The following TMEM178B variants were observed in gnomAD, a reference collection of about 807,000 sequenced individuals.
TMEM178B encodes the protein transmembrane protein 178B.
TMEM178B carries 5 observed loss-of-function variants against 31.0 expected under a neutral mutation model. The ratio of observed to expected loss-of-function variants is 0.16; its 90% CI spans 0.08 to 0.34. The LOEUF (loss-of-function observed/expected upper bound fraction) is 0.34. TMEM178B is among the 10% of genes least tolerant of loss of function. The pLI is 1.00. For synonymous variants in TMEM178B, 164 were observed against 164.0 expected, an observed-to-expected ratio of 1.00 and a Z score of 0.00; for missense variants, 275 against 400.3, an observed-to-expected ratio of 0.69 and a Z score of 2.67.
intron 2 of TMEM178B, among the ~76,000 whole-genome samples, chr7:141,337,351 C>A (rs1048093728): frequency 2.3e-4 from 34 of 145,608 alleles, no homozygotes; most frequent in Non-Finnish European, 3.2e-4. Flanking sequence ...TACCACTACC[C>A]CACTACCACC....
Position 141,074,523 on chromosome 7 carries a change from C to G in TMEM178B, c.213C>G (p.Arg71=). 1.3e-6 allele frequency: 2 copies of G among 1,536,012 alleles called. No individual in the cohort carries two copies. The highest frequency in any genetic ancestry group is 8.7e-7 in the Non-Finnish European group (1 of 1,146,810). The stretch of plus-strand genomic sequence containing the variant: ...TGCCGCTCCGGGCGAGCCGCTCGCG[C>G]CTGGACCGCTGGGAGGGCAAACTCC... ...NNLPLRASRS[R]LDRWEGKLLR... Residue 71 remains arginine, a synonymous_variant, in exon 1 of 4, where the codon CGC becomes CGG. Transcript: ENST00000565468. This position sits in a 1 kb window ranked among gnomAD's most constrained non-coding sequence, Gnocchi z 5.1.
chr7:141,449,398 A>G (rs1801820903), intron 3 of TMEM178B, among the ~76,000 whole-genome samples: 1 of 152,092 alleles, frequency 6.6e-6, no homozygotes, highest in Non-Finnish European at 1.5e-5. Context: ...TAGAGGGGTT[A>G]AAGACTGGTA....
At chr7:141,396,255 C>G (rs1051214695) in intron 2 of TMEM178B, among the ~76,000 whole-genome samples, 4 of 152,172 alleles carry the variant, frequency 2.6e-5, no homozygotes, top group African/African-American at 9.6e-5. Flanking sequence ...GCGTGCCTCC[C>G]CTCCCAGGAG....
chr7:141,475,645 CA>C lies in TMEM178B; in HGVS notation c.*4860del, dbSNP rs1802349544. The stretch of plus-strand genomic sequence containing the variant: ...CGTTGAGTTGACCCTGTGTTCCTGG[CA>C]GCAAGAGTGCAGGGCCCTGAGCCCC... On this transcript the variant is annotated 3_prime_UTR_variant, in exon 4 of 4. Transcript: ENST00000565468. The C allele has an allele frequency of 6.6e-6, 1 of 152,210 alleles. No individual in the cohort carries two copies. Among genetic ancestry groups the C allele is most frequent in the Middle Eastern group, 3.1e-3 (1 of 318 alleles). 9.4% of individuals were successfully genotyped at this position (152,210 alleles called of 1,614,324 possible). A position where few individuals can be genotyped will look rare whatever the true frequency, so the allele number is the denominator to read the frequency against.
At chr7:141,364,139 G>A (rs1022565467) in intron 2 of TMEM178B, among the ~76,000 whole-genome samples, 6 of 152,040 alleles carry the variant, frequency 3.9e-5, no homozygotes, top group African/African-American at 9.7e-5. Context: ...TGTGTTTTCT[G>A]CCTACAACAA....
the TMEM178B span, among the ~76,000 whole-genome samples, chr7:141,502,281 A>G: frequency 2.3e-5 from 3 of 128,188 alleles, no homozygotes; most frequent in Non-Finnish European, 4.5e-5. Context: ...ATATCCTGCT[A>G]GTGTTCCAGT....
rs1235677807 is a variant in TMEM178B, at chr7:141,216,453, G to A, written c.496+3749G>A. Reference sequence around the variant, plus strand: ...TGTGTGTGTGTGTGTGTGTGTGCGCGCGCGCGCGCGTGTGTGTGTGTGGGT... The same window carrying A: ...TGTGTGTGTGTGTGTGTGTGTGCGCACGCGCGCGCGTGTGTGTGTGTGGGT... On this transcript the variant is annotated intron_variant, in intron 2 of 3. Coordinates refer to ENST00000565468, the MANE Select transcript of TMEM178B (RefSeq NM_001195278.2). 1.7e-4 allele frequency among the ~76,000 whole-genome samples: 4 copies of A among 23,102 alleles called. No individual in the cohort carries two copies. The South Asian group carries it at 2.2e-3, about 12-fold the overall frequency. 15.2% of individuals were successfully genotyped at this position (23,102 alleles called of 152,430 possible). A position where few individuals can be genotyped will look rare whatever the true frequency, so the allele number is the denominator to read the frequency against.
intron 1 of TMEM178B, among the ~76,000 whole-genome samples, chr7:141,086,646 GA>G (rs1453329573): frequency 6.6e-6 from 1 of 152,174 alleles, no homozygotes; most frequent in Non-Finnish European, 1.5e-5. Flanking sequence ...GAAAGGGAAA[GA>G]AATGGAATTG....
intron 1 of TMEM178B, among the ~76,000 whole-genome samples, chr7:141,209,310 A>G (rs1797014405): frequency 6.6e-6 from 1 of 152,138 alleles, no homozygotes; most frequent in Non-Finnish European, 1.5e-5. Context: ...ATTTTCTTCT[A>G]CCTCACTGTG....
Position 141,423,512 on chromosome 7 carries a change from C to T in TMEM178B, c.497-14096C>T, listed in dbSNP as rs146398296. Among the ~76,000 whole-genome samples, 1,170 of 152,278 alleles carry T rather than the reference C, an allele frequency of 7.7e-3. 11 individuals are homozygous for T. Among genetic ancestry groups the T allele is most frequent in the Non-Finnish European group, 0.012 (814 of 68,024 alleles). On this transcript the variant is annotated intron_variant, in intron 2 of 3. Transcript: ENST00000565468. ...CTACACCCACATGAGCTGGTGGCTA[C>T]CATATTAGACTCTTCAGCTTTAGAA...
At chr7:141,147,606 C>T (rs1013207846) in intron 1 of TMEM178B, among the ~76,000 whole-genome samples, 3 of 152,072 alleles carry the variant, frequency 2.0e-5, no homozygotes, top group Non-Finnish European at 2.9e-5. Context: ...CATATGCAAT[C>T]TAAAGAGCAG....
At chr7:141,264,361 ATCTT>A (rs1329815570) in intron 2 of TMEM178B, among the ~76,000 whole-genome samples, 2 of 152,162 alleles carry the variant, frequency 1.3e-5, no homozygotes, top group Non-Finnish European at 2.9e-5. Flanking sequence ...TACACAGTCT[ATCTT>A]TGTTTGCCTG....
intron 2 of TMEM178B, among the ~76,000 whole-genome samples, chr7:141,294,441 T>A (rs1158407558): frequency 2.0e-5 from 3 of 152,140 alleles, no homozygotes; most frequent in Admixed American, 2.0e-4. Context: ...TGCAAGCAGG[T>A]CTGGCTGGAC....
chr7:141,124,060 ACT>A (rs1022662965), intron 1 of TMEM178B, among the ~76,000 whole-genome samples: 6 of 151,692 alleles, frequency 4.0e-5, no homozygotes, highest in Non-Finnish European at 7.4e-5. Context: ...AGGCCTGAAC[ACT>A]CTGTTTTTAA....
At chr7:141,350,228 G>A (rs1392156444) in intron 2 of TMEM178B, among the ~76,000 whole-genome samples, 1 of 152,074 alleles carries the variant, frequency 6.6e-6, no homozygotes, top group African/African-American at 2.4e-5. Flanking sequence ...AGGCCCAGCT[G>A]AACTCTTCCT....
chr7:141,435,159 C>T (rs1158542162), intron 2 of TMEM178B, among the ~76,000 whole-genome samples: 4 of 152,074 alleles, frequency 2.6e-5, no homozygotes, highest in South Asian at 4.2e-4. Flanking sequence ...AATGGTGCTC[C>T]GGTAAATGGA....
chr7:141,290,352 G>A (rs1392575633), intron 2 of TMEM178B, among the ~76,000 whole-genome samples: 1 of 152,226 alleles, frequency 6.6e-6, no homozygotes, highest in African/African-American at 2.4e-5. Flanking sequence ...AGAAGGAGGT[G>A]TGGCTTACTA....
chr7:141,289,433 C>G (rs1442759451), intron 2 of TMEM178B, among the ~76,000 whole-genome samples: 1 of 152,044 alleles, frequency 6.6e-6, no homozygotes, highest in East Asian at 1.9e-4. Context: ...AAGGAGAATG[C>G]GGCTGGGTGT....
intron 2 of TMEM178B, among the ~76,000 whole-genome samples, chr7:141,412,614 G>A (rs888430972): frequency 6.6e-6 from 1 of 152,214 alleles, no homozygotes; most frequent in East Asian, 1.9e-4. Flanking sequence ...TGAACCATTT[G>A]CTAGAGAGTA....
Sources: allele counts gnomAD v4.1 joint callset (sites outside exome capture counted in the v4.1 genomes callset), GRCh38; gene constraint gnomAD v4.1.1; non-coding constraint Gnocchi (gnomAD v3.1); transcripts MANE v1.5; gene names NCBI Gene and HGNC (gene_info 2026-07-23, HGNC 2026-07-21).